Variants in RABGAP1L observed in about 807,000 individuals in gnomAD.
RABGAP1L encodes the protein RAB GTPase activating protein 1 like, also known as rab GTPase-activating protein 1-like.
A neutral mutation model predicts 137.7 loss-of-function variants in RABGAP1L; 63 were observed. That is an observed-to-expected ratio of 0.46 (90% confidence interval 0.37 to 0.56). RABGAP1L has a LOEUF of 0.56. Ranked by LOEUF, RABGAP1L falls within the 20% of genes least tolerant of loss-of-function variation. The pLI is 0.00. For synonymous variants in RABGAP1L, 431 were observed against 433.7 expected (o/e 0.99, Z 0.08); for missense variants, 1,095 against 1,244.0 (o/e 0.88, Z 1.80).
chr1:174,808,968 T>TA (rs1689607877), intron 18 of RABGAP1L, among the ~76,000 whole-genome samples: 1 of 152,176 alleles, frequency 6.6e-6, no homozygotes, highest in Non-Finnish European at 1.5e-5. Context: ...CATTCTCAAA[T>TA]ACTTGTGATT....
At chr1:174,881,982 C>T (rs1020545786) in intron 19 of RABGAP1L, among the ~76,000 whole-genome samples, 11 of 152,090 alleles carry the variant, frequency 7.2e-5, no homozygotes, top group African/African-American at 2.2e-4. Context: ...TTGCCTCAGC[C>T]TCCTGAGTAT....
intron 1 of RABGAP1L, among the ~76,000 whole-genome samples, chr1:174,201,708 T>C (rs1668118693): frequency 6.6e-6 from 1 of 151,824 alleles, no homozygotes; most frequent in African/African-American, 2.4e-5. Context: ...CGTGCAGGTT[T>C]GTTACATATG....
At chr1:174,261,953 G>A (rs567061320) in intron 7 of RABGAP1L, among the ~76,000 whole-genome samples, 1 of 152,234 alleles carries the variant, frequency 6.6e-6, no homozygotes, top group East Asian at 1.9e-4. Flanking sequence ...AGATTAGTGG[G>A]ATGACCCATA....
At chr1:174,577,059 T>A (rs1470677154) in intron 13 of RABGAP1L, among the ~76,000 whole-genome samples, 1 of 152,058 alleles carries the variant, frequency 6.6e-6, no homozygotes, top group Non-Finnish European at 1.5e-5. Context: ...GGCATGCACC[T>A]ATAGTCCTAG....
chr1:174,851,340 A>T lies in RABGAP1L; in HGVS notation c.2340+39380A>T, dbSNP rs1470257712. Among the ~76,000 whole-genome samples, 5 of 152,328 alleles carry T rather than the reference A, an allele frequency of 3.3e-5. No individual in the cohort carries two copies. In the East Asian group the frequency reaches 5.8e-4, roughly 18 times the overall value. The stretch of plus-strand genomic sequence containing the variant: ...GCTGCAGAGCCGGTGGAACAGTGTC[A>T]TGTGTCAGCCAGAGGCTGCATCGTT... On this transcript the variant is annotated intron_variant, in intron 19 of 25. Transcript: ENST00000681986.
At chr1:174,686,871 G>A (rs965894840) in intron 15 of RABGAP1L, among the ~76,000 whole-genome samples, 3 of 151,546 alleles carry the variant, frequency 2.0e-5, no homozygotes, top group Non-Finnish European at 4.4e-5. Context: ...ATGTTAGCCA[G>A]GCTGGTCTTG....
intron 13 of RABGAP1L, among the ~76,000 whole-genome samples, chr1:174,438,046 C>T (rs576157589): frequency 6.6e-6 from 1 of 152,264 alleles, no homozygotes; most frequent in South Asian, 2.1e-4. Flanking sequence ...ACCAGACCTG[C>T]CCTAAAAGAG....
At chr1:174,315,903 T>G (rs1679335158) in intron 11 of RABGAP1L, among the ~76,000 whole-genome samples, 1 of 152,170 alleles carries the variant, frequency 6.6e-6, no homozygotes, top group South Asian at 2.1e-4. Flanking sequence ...TTAAAGATCC[T>G]GTAGGCATGC....
chr1:174,580,660 T>C (rs1000896784), intron 13 of RABGAP1L, among the ~76,000 whole-genome samples: 1 of 152,078 alleles, frequency 6.6e-6, no homozygotes, highest in South Asian at 2.1e-4. Context: ...GGGATAGCAT[T>C]AGGAGATATA....
chr1:174,696,517 T>A (rs184127639), intron 15 of RABGAP1L, among the ~76,000 whole-genome samples: 5 of 152,294 alleles, frequency 3.3e-5, no homozygotes, highest in Admixed American at 3.3e-4. Context: ...TGGCCTAGAC[T>A]GCTTTTCAAA....
chr1:174,703,211 C>T (rs1348480184), intron 17 of RABGAP1L, among the ~76,000 whole-genome samples: 1 of 152,074 alleles, frequency 6.6e-6, no homozygotes, highest in Non-Finnish European at 1.5e-5. Context: ...TTAGTGTAAC[C>T]ATCACTTGAA....
intron 13 of RABGAP1L, among the ~76,000 whole-genome samples, chr1:174,621,346 A>T (rs1672445846): frequency 6.6e-6 from 1 of 152,242 alleles, no homozygotes; most frequent in African/African-American, 2.4e-5. Flanking sequence ...AGAACTGGAG[A>T]AAACTACTTT....
At chr1:174,610,067 T>G (rs1450675951) in intron 13 of RABGAP1L, among the ~76,000 whole-genome samples, 1 of 151,088 alleles carries the variant, frequency 6.6e-6, no homozygotes, top group East Asian at 1.9e-4. Context: ...ATTTTATTAT[T>G]ATTATATTTT....
At chr1:174,600,628 C>T (rs998230478) in intron 13 of RABGAP1L, among the ~76,000 whole-genome samples, 3 of 152,180 alleles carry the variant, frequency 2.0e-5, no homozygotes, top group African/African-American at 7.2e-5. Context: ...TTTTAAGGCT[C>T]CAAAATGATC....
Position 174,761,642 on chromosome 1 carries a change from G to T in RABGAP1L, c.2211+9288G>T, listed in dbSNP as rs1685232331. Among the ~76,000 whole-genome samples, 1 of 152,160 alleles carries T rather than the reference G, an allele frequency of 6.6e-6. No homozygotes were observed. The highest frequency in any genetic ancestry group is 1.5e-5 in the Non-Finnish European group (1 of 68,018). On this transcript the variant is annotated intron_variant, in intron 18 of 25. Coordinates refer to ENST00000681986, the MANE Select transcript of RABGAP1L (RefSeq NM_001366446.1). The surrounding 1 kb of genome is among the most constrained non-coding windows in gnomAD (Gnocchi z 4.0). ...CACTTCCCAGACGGAGACAGTGTGGGGGCCGGACAAGGGCCGAACAGAGGC... is the reference window on the plus strand; with the variant it reads ...CACTTCCCAGACGGAGACAGTGTGGTGGCCGGACAAGGGCCGAACAGAGGC...
intron 1 of RABGAP1L, among the ~76,000 whole-genome samples, chr1:174,178,762 C>T (rs1292274945): frequency 6.6e-6 from 1 of 152,144 alleles, no homozygotes; most frequent in Non-Finnish European, 1.5e-5. Context: ...TGTTCTCACT[C>T]ATAAGTGGGA....
At chr1:174,523,295 A>G (rs934804495) in intron 13 of RABGAP1L, among the ~76,000 whole-genome samples, 5 of 152,206 alleles carry the variant, frequency 3.3e-5, no homozygotes, top group Admixed American at 6.5e-5. Flanking sequence ...CTATTCTTAA[A>G]TATGAGCATA....
chr1:174,440,440 T>C (rs1192671602), intron 13 of RABGAP1L, among the ~76,000 whole-genome samples: 1 of 152,168 alleles, frequency 6.6e-6, no homozygotes, highest in Non-Finnish European at 1.5e-5. Context: ...AGGGTAATGA[T>C]AGTGAAGATG....
chr1:174,541,053 G>T (rs1484556764), intron 13 of RABGAP1L, among the ~76,000 whole-genome samples: 2 of 152,122 alleles, frequency 1.3e-5, no homozygotes, highest in African/African-American at 4.8e-5. Flanking sequence ...TGTCTTTGTA[G>T]CAATTGTGTA....
Sources: allele counts gnomAD v4.1 joint callset (sites outside exome capture counted in the v4.1 genomes callset), GRCh38; gene constraint gnomAD v4.1.1; non-coding constraint Gnocchi (gnomAD v3.1); transcripts MANE v1.5; gene names NCBI Gene and HGNC (gene_info 2026-07-23, HGNC 2026-07-21).